The following CEP112 variants were observed in gnomAD, a reference collection of about 807,000 sequenced individuals.
CEP112 encodes the protein centrosomal protein 112, also known as centrosomal protein of 112 kDa.
In CEP112, 127 loss-of-function variants were observed where a neutral mutation model predicts 153.0. That is an observed-to-expected ratio of 0.83 (90% CI 0.72 to 0.96). The LOEUF (loss-of-function observed/expected upper bound fraction) is 0.96. Among genes scored for constraint, CEP112 ranks in the 40% least tolerant of loss-of-function variants. The pLI is 0.00. For synonymous variants in CEP112, 358 were observed against 374.4 expected, an observed-to-expected ratio of 0.96 and a Z score of 0.51; for missense variants, 1,089 against 1,101.2, an observed-to-expected ratio of 0.99 and a Z score of 0.16.
chr17:65,920,359 C>CAAACA (rs1178505560), intron 19 of CEP112, among the ~76,000 whole-genome samples: 1 of 29,830 alleles, frequency 3.4e-5, no homozygotes, highest in African/African-American at 1.3e-4. Flanking sequence ...AACAAACAAA[C>CAAACA]AAAATATATA....
At chr17:66,001,253 T>C (rs2064034260) in intron 17 of CEP112, among the ~76,000 whole-genome samples, 3 of 152,352 alleles carry the variant, frequency 2.0e-5, no homozygotes, top group South Asian at 4.1e-4. Context: ...CACATGTATG[T>C]CTTCTTTTGA....
rs76215600 is a variant in CEP112 at position 66,030,136 on chromosome 17, T to C, written c.1219-113A>G. On this transcript the variant is annotated intron_variant, in intron 12 of 26. Coordinates refer to ENST00000535342, the MANE Select transcript of CEP112 (RefSeq NM_001199165.4). ...TATAAGAATAAATAAAACAAATGTA[T>C]CATAAACCATGGTAGTAGAAATTAA... The C allele has an allele frequency of 2.1e-3, 1,717 of 820,088 alleles. 29 individuals carry two copies. The East Asian group carries it at 0.043, about 21-fold the overall frequency. The allele number at this position is 820,088 out of a possible 1,614,324, so 50.8% of individuals were successfully genotyped here.
At chr17:65,722,411 G>A (rs1343004349) in intron 23 of CEP112, among the ~76,000 whole-genome samples, 1 of 152,118 alleles carries the variant, frequency 6.6e-6, no homozygotes, top group Non-Finnish European at 1.5e-5. Flanking sequence ...ACCACACCCA[G>A]CTAATTTTTG....
intron 16 of CEP112, among the ~76,000 whole-genome samples, chr17:66,021,438 G>C (rs537247917): frequency 6.6e-6 from 1 of 152,154 alleles, no homozygotes; most frequent in Non-Finnish European, 1.5e-5. Context: ...GCATGGTTTT[G>C]CCTGGGTAGC....
intron 6 of CEP112, among the ~76,000 whole-genome samples, chr17:66,124,146 A>G (rs1234476865): frequency 6.6e-6 from 1 of 152,202 alleles, no homozygotes; most frequent in Non-Finnish European, 1.5e-5. Flanking sequence ...TAAGACTTCT[A>G]TGAGGCTATG....
At chr17:66,119,686 G>T (rs1216477279) in intron 6 of CEP112, among the ~76,000 whole-genome samples, 1 of 152,214 alleles carries the variant, frequency 6.6e-6, no homozygotes, top group Non-Finnish European at 1.5e-5. Flanking sequence ...GAGGGAGAGA[G>T]AGAACTGTTA....
chr17:65,998,664 GTTATAATAA>G (rs558988989), intron 17 of CEP112, among the ~76,000 whole-genome samples: 140 of 151,736 alleles, frequency 9.2e-4, no homozygotes, highest in African/African-American at 2.6e-3. Context: ...TAATATAGTC[GTTATAATAA>G]TAATATTAAT....
At chr17:65,946,376 C>A (rs1286076956) in intron 18 of CEP112, among the ~76,000 whole-genome samples, 1 of 152,062 alleles carries the variant, frequency 6.6e-6, no homozygotes. Context: ...GGGCAAGATT[C>A]TTTTTCCCCC....
At chr17:65,976,402 C>G (rs974596193) in intron 17 of CEP112, among the ~76,000 whole-genome samples, 1 of 152,110 alleles carries the variant, frequency 6.6e-6, no homozygotes, top group Non-Finnish European at 1.5e-5. Flanking sequence ...TTAGGTTCTA[C>G]ACAAATTTAC....
chr17:65,947,324 T>C (rs11079606), intron 18 of CEP112, among the ~76,000 whole-genome samples: 72,661 of 151,814 alleles, frequency 0.48, 18,371 homozygotes, highest in East Asian at 0.89. Flanking sequence ...ATTCCCAGAA[T>C]CTACAACAGT....
intron 18 of CEP112, among the ~76,000 whole-genome samples, chr17:65,945,329 C>T (rs1214513610): frequency 6.6e-6 from 1 of 152,180 alleles, no homozygotes; most frequent in Non-Finnish European, 1.5e-5. Flanking sequence ...TATTATAAAT[C>T]ATGCTGCTAT....
intron 20 of CEP112, among the ~76,000 whole-genome samples, chr17:65,854,128 C>G (rs1287158701): frequency 6.6e-6 from 1 of 152,114 alleles, no homozygotes; most frequent in Admixed American, 6.5e-5. Context: ...CATTTCATGC[C>G]TAATGTATGT....
chr17:65,964,941 C>T (rs1259157248), intron 17 of CEP112, among the ~76,000 whole-genome samples: 2 of 152,122 alleles, frequency 1.3e-5, no homozygotes, highest in African/African-American at 4.8e-5. Context: ...GTTTATATAT[C>T]ACTTACTTTT....
chr17:66,170,031 G>A (rs1249994255), intron 4 of CEP112, among the ~76,000 whole-genome samples: 1 of 152,226 alleles, frequency 6.6e-6, no homozygotes, highest in Non-Finnish European at 1.5e-5. Flanking sequence ...CGTTCCTTAT[G>A]GCTATCTGAT....
chr17:65,850,596 C>T (rs1316152984), intron 21 of CEP112, among the ~76,000 whole-genome samples: 1 of 152,190 alleles, frequency 6.6e-6, no homozygotes, highest in African/African-American at 2.4e-5. Context: ...TCAATTCAGT[C>T]TATTCTCAGC....
intron 24 of CEP112, among the ~76,000 whole-genome samples, chr17:65,688,024 A>C (rs1280922613): frequency 1.3e-5 from 2 of 152,216 alleles, no homozygotes; most frequent in Non-Finnish European, 2.9e-5. Flanking sequence ...GTCTCTAGTG[A>C]TACATGTTGA....
At chr17:66,177,758 C>T (rs1182583720) in intron 2 of CEP112, among the ~76,000 whole-genome samples, 1 of 152,106 alleles carries the variant, frequency 6.6e-6, no homozygotes, top group Non-Finnish European at 1.5e-5. Context: ...CTTCTATCTC[C>T]ATGAGTTCAG....
intron 12 of CEP112, among the ~76,000 whole-genome samples, chr17:66,048,931 A>G (rs915260984): frequency 2.0e-5 from 3 of 152,180 alleles, no homozygotes; most frequent in Non-Finnish European, 2.9e-5. Flanking sequence ...AGTGTAAAAG[A>G]CTTATACATT....
rs186027120 is a variant in CEP112 at position 65,712,179 on chromosome 17, A to G, written c.2608-22961T>C. Among the ~76,000 whole-genome samples the G allele has an allele frequency of 3.2e-4, 48 of 152,268 alleles. 2 individuals are homozygous for G. The East Asian group carries it at 9.1e-3, about 29-fold the overall frequency. On this transcript the variant is annotated intron_variant, in intron 23 of 26. Transcript: ENST00000535342. Reference sequence around the variant, plus strand: ...CTTACCACCACCCTCTGTTCATTTAATGGATAGGTACTTGAATGCCCACTG... The same window carrying G: ...CTTACCACCACCCTCTGTTCATTTAGTGGATAGGTACTTGAATGCCCACTG...
Sources: gnomAD v4.1 joint callset for allele counts (sites outside exome capture counted in the v4.1 genomes callset) on GRCh38, gnomAD v4.1.1 for gene constraint, MANE v1.5 for transcripts, NCBI Gene and HGNC (gene_info 2026-07-23, HGNC 2026-07-21) for gene names.